The following CSMD3 variants were observed in gnomAD, a reference collection of about 807,000 sequenced individuals.
CSMD3 encodes the protein CUB and sushi domain-containing protein 3.
A neutral mutation model predicts 435.2 loss-of-function variants in CSMD3; 177 were observed. The ratio of observed to expected loss-of-function variants is 0.41; its 90% CI spans 0.36 to 0.46. The LOEUF (loss-of-function observed/expected upper bound fraction) is 0.46, where lower values mean the gene tolerates loss of function less well. Ranked by LOEUF, CSMD3 falls within the 20% of genes least tolerant of loss-of-function variation. CSMD3 has a pLI of 0.34. For missense variants in CSMD3, 4,265 were observed against 4,504.6 expected, an observed-to-expected ratio of 0.95 and a Z score of 1.52; for synonymous variants, 1,656 against 1,520.5, an observed-to-expected ratio of 1.09 and a Z score of -2.07.
At chr8:112,902,034 C>A (rs1238133500) in intron 10 of CSMD3, among the ~76,000 whole-genome samples, 3 of 151,246 alleles carry the variant, frequency 2.0e-5, no homozygotes, top group Non-Finnish European at 4.4e-5. Context: ...CAAAGAAATT[C>A]TCCCAAGTGA....
At chr8:113,397,865 T>G (rs116891974) in intron 1 of CSMD3, among the ~76,000 whole-genome samples, 2,055 of 134,120 alleles carry the variant, frequency 0.015, 21 homozygotes, top group Admixed American at 0.024. Flanking sequence ...AATAAATAAA[T>G]AAAGAACACA....
intron 3 of CSMD3, among the ~76,000 whole-genome samples, chr8:113,242,996 T>C (rs1455048063): frequency 2.0e-5 from 3 of 152,124 alleles, no homozygotes; most frequent in Middle Eastern, 3.4e-3. Flanking sequence ...CACAAATAAA[T>C]AAAAGAGAAA....
chr8:112,987,290 A>G (rs2085290322), intron 6 of CSMD3, among the ~76,000 whole-genome samples: 1 of 152,124 alleles, frequency 6.6e-6, no homozygotes, highest in South Asian at 2.1e-4. Context: ...TTATAAAGGT[A>G]ATGAAAACTT....
At chr8:112,530,914 A>T (rs1825465323) in intron 27 of CSMD3, among the ~76,000 whole-genome samples, 1 of 152,096 alleles carries the variant, frequency 6.6e-6, no homozygotes, top group African/African-American at 2.4e-5. Flanking sequence ...GCCTCAAATA[A>T]ATTTCAGTGG....
chr8:112,240,634 T>C (rs967024060), intron 66 of CSMD3, among the ~76,000 whole-genome samples: 4 of 152,062 alleles, frequency 2.6e-5, no homozygotes, highest in Non-Finnish European at 4.4e-5. Context: ...TCAGATATTA[T>C]GCTCTTATTG....
At chr8:113,054,421 T>A (rs1249782041) in intron 5 of CSMD3, among the ~76,000 whole-genome samples, 1 of 152,182 alleles carries the variant, frequency 6.6e-6, no homozygotes, top group African/African-American at 2.4e-5. Context: ...TACATTTTTT[T>A]AAGAAAATGA....
intron 11 of CSMD3, among the ~76,000 whole-genome samples, chr8:112,834,739 T>C (rs1233946625): frequency 6.6e-6 from 1 of 151,796 alleles, no homozygotes; most frequent in Non-Finnish European, 1.5e-5. Flanking sequence ...ATAATAGGAA[T>C]GCTTCCTCTA....
At chr8:112,619,953 CA>C (rs67383060) in intron 22 of CSMD3, among the ~76,000 whole-genome samples, 83,350 of 151,300 alleles carry the variant, frequency 0.55, 23,184 homozygotes, top group African/African-American at 0.6. Flanking sequence ...AAACAAACAA[CA>C]AAAAAAGTTC....
chr8:112,919,121 A>T (rs1019541507), intron 10 of CSMD3, among the ~76,000 whole-genome samples: 3 of 151,974 alleles, frequency 2.0e-5, no homozygotes, highest in Non-Finnish European at 4.4e-5. Context: ...GCTATGTCTA[A>T]TATCTGCAAA....
At chr8:112,603,608 T>G (rs545159782) in intron 22 of CSMD3, among the ~76,000 whole-genome samples, 1 of 152,312 alleles carries the variant, frequency 6.6e-6, no homozygotes, top group African/African-American at 2.4e-5. Flanking sequence ...GAAAAAATGT[T>G]AATTTTTTAT....
intron 10 of CSMD3, among the ~76,000 whole-genome samples, chr8:112,906,475 C>T (rs1276384803): frequency 1.3e-5 from 2 of 151,002 alleles, no homozygotes; most frequent in Admixed American, 6.6e-5. Flanking sequence ...ACCAAAAAAA[C>T]GTCTCTAATA....
At chr8:112,608,452 C>A (rs1218929198) in intron 22 of CSMD3, among the ~76,000 whole-genome samples, 1 of 151,952 alleles carries the variant, frequency 6.6e-6, no homozygotes, top group Non-Finnish European at 1.5e-5. Context: ...AACCAGAATT[C>A]ATATAAAGCC....
At chr8:112,758,921 CTATTTG>C (rs1450449000) in intron 13 of CSMD3, among the ~76,000 whole-genome samples, 1 of 151,946 alleles carries the variant, frequency 6.6e-6, no homozygotes, top group Non-Finnish European at 1.5e-5. Flanking sequence ...TTTGTGTTTC[CTATTTG>C]TATTTGTGTT....
Position 112,896,982 on chromosome 8 carries a change from C to T in CSMD3, c.1633+24645G>A, listed in dbSNP as rs73702252. 8.5e-3 allele frequency among the ~76,000 whole-genome samples: 1,293 copies of T among 151,494 alleles called. 23 individuals carry two copies. The highest frequency in any genetic ancestry group is 0.03 in the African/African-American group (1,233 of 41,446). ...CTCCTCTGGCTTTCTAATTTCTTCA[C>T]CCCTGTTCCTCCAGCTGCAGATTTT... On this transcript the variant is annotated intron_variant, in intron 10 of 70. Transcript: ENST00000297405.
intron 10 of CSMD3, among the ~76,000 whole-genome samples, chr8:112,886,051 C>T (rs2081579384): frequency 6.6e-6 from 1 of 151,560 alleles, no homozygotes; most frequent in Non-Finnish European, 1.5e-5. Flanking sequence ...TTCTATATTA[C>T]CCAATCCGAA....
intron 5 of CSMD3, among the ~76,000 whole-genome samples, chr8:113,037,211 A>G (rs2087392501): frequency 6.6e-6 from 1 of 152,116 alleles, no homozygotes; most frequent in Non-Finnish European, 1.5e-5. Flanking sequence ...TCAGGTATAT[A>G]TTAACATTTA....
At chr8:113,427,106 G>A (rs1277753089) in intron 1 of CSMD3, among the ~76,000 whole-genome samples, 2 of 151,300 alleles carry the variant, frequency 1.3e-5, no homozygotes, top group Non-Finnish European at 3.0e-5. Flanking sequence ...CTTTAATAAT[G>A]CATGTAGAAA....
chr8:112,534,037 A>C (rs1489082426), intron 27 of CSMD3, among the ~76,000 whole-genome samples: 1 of 152,118 alleles, frequency 6.6e-6, no homozygotes, highest in Non-Finnish European at 1.5e-5. Flanking sequence ...AGAAATTAAG[A>C]AGGAAATTAA....
chr8:112,677,814 C>G (rs562855677), intron 16 of CSMD3, among the ~76,000 whole-genome samples: 1 of 151,972 alleles, frequency 6.6e-6, no homozygotes, highest in Non-Finnish European at 1.5e-5. Context: ...TCTTAAGGCC[C>G]TAAAGGATAC....
Sources: allele counts gnomAD v4.1 joint callset (sites outside exome capture counted in the v4.1 genomes callset), GRCh38; gene constraint gnomAD v4.1.1; transcripts MANE v1.5; gene names NCBI Gene and HGNC (gene_info 2026-07-23, HGNC 2026-07-21).